Variants in ECT2L observed in about 807,000 individuals in gnomAD.
ECT2L encodes the protein epithelial cell-transforming sequence 2 oncogene-like.
ECT2L carries 126 observed loss-of-function variants against 122.8 expected under a neutral mutation model. The ratio of observed to expected loss-of-function variants is 1.03; its 90% CI spans 0.89 to 1.19. The LOEUF (loss-of-function observed/expected upper bound fraction) is 1.19. Ranked by LOEUF, ECT2L falls within the 50% of genes most tolerant of loss-of-function variation. The pLI is 0.00. For missense variants in ECT2L, 1,012 were observed against 1,064.1 expected (o/e 0.95, Z 0.68); for synonymous variants, 385 against 381.8 (o/e 1.01, Z -0.10).
intron 4 of ECT2L, among the ~76,000 whole-genome samples, chr6:138,833,298 A>AC: frequency 6.6e-6 from 1 of 152,370 alleles, no homozygotes; most frequent in East Asian, 1.9e-4. Flanking sequence ...GCCATAACTT[A>AC]TCTCAGACAT....
chr6:138,843,748 G>A (rs561714149), intron 6 of ECT2L, among the ~76,000 whole-genome samples: 2 of 152,278 alleles, frequency 1.3e-5, no homozygotes, highest in South Asian at 2.1e-4. Context: ...CTGTGCAGTA[G>A]TATGATCTCT....
chr6:138,846,550 C>T lies in ECT2L; in HGVS notation c.776C>T (p.Ser259Phe). The change falls in exon 8 of 22, where the codon TCT (serine) becomes TTT (phenylalanine). Residue 259 changes from serine to phenylalanine, a missense_variant. Ser to Phe is a radical substitution (Grantham distance 155, BLOSUM62 -2). Coordinates refer to ENST00000541398, the MANE Select transcript of ECT2L (RefSeq NM_001077706.3). ...LETLPKRSNI[S>F]GSHSYPLLSK... Reference sequence around the variant, plus strand: ...CTTTTACTCCATAGAAGCAATATTTCTGGAAGCCATTCCTACCCTTTATTA... The same window carrying T: ...CTTTTACTCCATAGAAGCAATATTTTTGGAAGCCATTCCTACCCTTTATTA... 1 of 1,583,100 alleles carries T rather than the reference C, an allele frequency of 6.3e-7. No homozygotes were observed. Among genetic ancestry groups the T allele is most frequent in the Non-Finnish European group, 8.5e-7 (1 of 1,170,342 alleles).
At chr6:138,884,365 C>T (rs565751363) in intron 16 of ECT2L, among the ~76,000 whole-genome samples, 9 of 151,750 alleles carry the variant, frequency 5.9e-5, no homozygotes, top group African/African-American at 1.7e-4. Flanking sequence ...AGGCTCAGTG[C>T]GGTGGCTCAC....
rs1052438097 is a variant in ECT2L, at chr6:138,844,636, C to G, written c.764+56C>G. Reference sequence around the variant, plus strand: ...ACACCATCCCAATACCAATAATTCACTCTAGAATAAATTTAGCTATCACGC... The same window carrying G: ...ACACCATCCCAATACCAATAATTCAGTCTAGAATAAATTTAGCTATCACGC... On this transcript the variant is annotated intron_variant, in intron 7 of 21. Transcript: ENST00000541398. 46 of 1,513,476 alleles carry G rather than the reference C, an allele frequency of 3.0e-5. No homozygotes were observed. The Middle Eastern group carries it at 5.1e-4, about 17-fold the overall frequency. The allele number at this position is 1,513,476 out of a possible 1,614,324, so 93.8% of individuals were successfully genotyped here.
At chr6:138,893,454 T>C (rs964630904) in intron 20 of ECT2L, among the ~76,000 whole-genome samples, 1 of 151,978 alleles carries the variant, frequency 6.6e-6, no homozygotes, top group African/African-American at 2.4e-5. Flanking sequence ...AAGGTCTCAC[T>C]CTTTCACCCA....
chr6:138,895,632 G>A (rs1433465868), intron 20 of ECT2L, among the ~76,000 whole-genome samples: 1 of 152,150 alleles, frequency 6.6e-6, no homozygotes, highest in East Asian at 1.9e-4. Context: ...GTGCAGTGGT[G>A]TGATCTCGGC....
At chr6:138,899,073 T>G (rs909784795) in intron 20 of ECT2L, among the ~76,000 whole-genome samples, 1 of 152,014 alleles carries the variant, frequency 6.6e-6, no homozygotes, top group Non-Finnish European at 1.5e-5. Flanking sequence ...TCAGGAATTG[T>G]ATCTGACAGA....
At chr6:138,859,433 G>A (rs1777740967) in intron 10 of ECT2L, among the ~76,000 whole-genome samples, 2 of 152,158 alleles carry the variant, frequency 1.3e-5, no homozygotes, top group Admixed American at 1.3e-4. Context: ...GTAGACGTAT[G>A]TTTAACTTTA....
intron 20 of ECT2L, among the ~76,000 whole-genome samples, chr6:138,896,683 T>C (rs1779225363): frequency 2.0e-5 from 3 of 152,186 alleles, no homozygotes; most frequent in African/African-American, 7.2e-5. Flanking sequence ...GTTTCATTCT[T>C]GTTGCCCAGG....
intron 4 of ECT2L, among the ~76,000 whole-genome samples, chr6:138,826,461 G>A (rs954998965): frequency 6.6e-6 from 1 of 152,096 alleles, no homozygotes; most frequent in African/African-American, 2.4e-5. Flanking sequence ...GCCGAGGCGG[G>A]AGGTCAAGAG....
rs766501979 is a variant in ECT2L at position 138,838,425 on chromosome 6, A to G, written c.253A>G (p.Ile85Val). The change falls in exon 5 of 22, where the codon ATT becomes GTT. Residue 85 changes from isoleucine (I) to valine (V), a missense_variant. By Grantham distance (29) the Ile-to-Val change is conservative (BLOSUM62 3). Coordinates refer to ENST00000541398, the MANE Select transcript of ECT2L (RefSeq NM_001077706.3). The part of the protein sequence containing the change: ...VDFSTVLPRF[I>V]SLYIFSFLSP... ...CTTCTCTACAGTGTTACCACGCTTC[A>G]TTTCTCTATATATCTTTTCCTTTTT... The G allele has an allele frequency of 3.1e-6, 5 of 1,613,884 alleles. No individual in the cohort carries two copies. The highest frequency in any genetic ancestry group is 3.4e-6 in the Non-Finnish European group (4 of 1,179,970).
rs190826734 is a variant in ECT2L, at chr6:138,844,743, T to C, written c.764+163T>C. 1.4e-3 allele frequency among the ~76,000 whole-genome samples: 206 copies of C among 152,150 alleles called. 1 individual carries two copies. The highest frequency in any genetic ancestry group is 4.7e-3 in the African/African-American group (196 of 41,512). On this transcript the variant is annotated intron_variant, in intron 7 of 21. Coordinates refer to ENST00000541398, the MANE Select transcript of ECT2L (RefSeq NM_001077706.3). ...AATTTTCTAGAACAGTAGTCAAACATGCCTTCTGAAGAGGTAAACATATAA... is the reference window on the plus strand; with the variant it reads ...AATTTTCTAGAACAGTAGTCAAACACGCCTTCTGAAGAGGTAAACATATAA...
chr6:138,837,340 T>C lies in ECT2L; in HGVS notation c.180-1012T>C, dbSNP rs573505820. On this transcript the variant is annotated intron_variant, in intron 4 of 21. Coordinates refer to ENST00000541398, the MANE Select transcript of ECT2L (RefSeq NM_001077706.3). ...TTCCAGCCATTCAGAAGCAATCGTC[T>C]CCTTCTCCCCTTCTGCACACGGCTA... Among the ~76,000 whole-genome samples, 29 of 152,196 alleles carry C rather than the reference T, an allele frequency of 1.9e-4. No individual in the cohort carries two copies. In the South Asian group the frequency reaches 6.0e-3, roughly 32 times the overall value.
intron 9 of ECT2L, among the ~76,000 whole-genome samples, chr6:138,851,882 CATTTATTATATTCCTAGTTGGCTACAG>C (rs1414361618): frequency 6.6e-6 from 1 of 152,166 alleles, no homozygotes; most frequent in Non-Finnish European, 1.5e-5. Context: ...ACACTAACAA[CATTTATTATATTCCTAGTTGGCTACAG>C]ATTTATTATA....
At chr6:138,845,335 T>C (rs952428534) in intron 7 of ECT2L, among the ~76,000 whole-genome samples, 1 of 151,444 alleles carries the variant, frequency 6.6e-6, no homozygotes, top group Non-Finnish European at 1.5e-5. Context: ...CTCTGCCTCC[T>C]GGGTTCAAGC....
chr6:138,846,233 A>G (rs184141237), intron 7 of ECT2L, among the ~76,000 whole-genome samples: 81 of 152,292 alleles, frequency 5.3e-4, no homozygotes, highest in African/African-American at 1.8e-3. Context: ...TTCTTTTTAA[A>G]TATCTTTTTG....
chr6:138,799,517 AG>A (rs1356963510), intron 1 of ECT2L, among the ~76,000 whole-genome samples: 1 of 151,476 alleles, frequency 6.6e-6, no homozygotes, highest in Non-Finnish European at 1.5e-5. Flanking sequence ...GGCCTCCCAA[AG>A]TGCTGGGATT....
At chr6:138,825,604 G>GAAAAT (rs1255763846) in intron 4 of ECT2L, among the ~76,000 whole-genome samples, 1 of 151,900 alleles carries the variant, frequency 6.6e-6, no homozygotes, top group African/African-American at 2.4e-5. Context: ...GAAAAGAAAA[G>GAAAAT]AAAAGAATAC....
intron 4 of ECT2L, among the ~76,000 whole-genome samples, chr6:138,836,065 T>C (rs1776825592): frequency 6.6e-6 from 1 of 152,146 alleles, no homozygotes; most frequent in Non-Finnish European, 1.5e-5. Context: ...GAAATGATGC[T>C]GTGTTCTCAG....
Sources: gnomAD v4.1 joint callset for allele counts (sites outside exome capture counted in the v4.1 genomes callset) on GRCh38, gnomAD v4.1.1 for gene constraint, MANE v1.5 for transcripts, NCBI Gene and HGNC (gene_info 2026-07-23, HGNC 2026-07-21) for gene names.